Variants in PATL1 observed in about 807,000 individuals in gnomAD.
The protein encoded by PATL1 is protein PAT1 homolog 1.
A neutral mutation model predicts 100.6 loss-of-function variants in PATL1; 32 were observed. That is an observed-to-expected ratio of 0.32 (90% CI 0.24 to 0.43). The LOEUF (loss-of-function observed/expected upper bound fraction) is 0.43, where lower values mean the gene tolerates loss of function less well. Among genes scored for constraint, PATL1 ranks in the 20% least tolerant of loss-of-function variants. The pLI is 1.00. For missense variants in PATL1, 747 were observed against 949.9 expected (o/e 0.79, Z 2.81); for synonymous variants, 332 against 330.0 (o/e 1.01, Z -0.07).
intron 18 of PATL1, 122 bp downstream of exon 18, chr11:59,638,926 A>G (rs1590691978): frequency 2.7e-6 from 3 of 1,117,454 alleles, no homozygotes; most frequent in Non-Finnish European, 3.8e-6. Flanking sequence ...CAAGTGATCC[A>G]CCCTCCTGGG....
rs988395281 is a variant in PATL1 at position 59,639,450 on chromosome 11, G to C, written c.2050-67C>G. 2.4e-6 allele frequency: 3 copies of C among 1,230,232 alleles called. No individual in the cohort carries two copies. In the Admixed American group the frequency reaches 6.2e-5, roughly 25 times the overall value. 76.2% of individuals were successfully genotyped at this position (1,230,232 alleles called of 1,614,324 possible). ...TAAACCTCCTCCACCACTGTTGAAG[G>C]GATCCTGGCATCAGATGGGGAACAG... On this transcript the variant is annotated intron_variant, in intron 16 of 18. Coordinates refer to ENST00000300146, the MANE Select transcript of PATL1 (RefSeq NM_152716.3).
intron 18 of PATL1, 62 bp downstream of exon 18, chr11:59,638,986 C>A: frequency 6.4e-7 from 1 of 1,557,116 alleles, no homozygotes; most frequent in South Asian, 1.2e-5. Context: ...CCCAGCCTCC[C>A]AACCATAACT....
chr11:59,657,798 A>C, intron 4 of PATL1, 74 bp from the exon 5 acceptor site: 1 of 1,124,906 alleles, frequency 8.9e-7, no homozygotes. Context: ...ACAGATGCCA[A>C]AAATACCTTA....
intron 8 of PATL1, among the ~76,000 whole-genome samples, chr11:59,655,040 T>G (rs541739216): frequency 2.3e-4 from 35 of 152,346 alleles, no homozygotes; most frequent in African/African-American, 7.2e-4. Context: ...ACCTGTTTCT[T>G]GCCTGCTGGT....
At chr11:59,640,104 G>A (rs887703447) in intron 16 of PATL1, among the ~76,000 whole-genome samples, 4 of 152,158 alleles carry the variant, frequency 2.6e-5, no homozygotes, top group African/African-American at 9.6e-5. Flanking sequence ...CACTATGGGA[G>A]GCCAAGGTGG....
At chr11:59,638,506 A>G (rs774706628) in intron 18 of PATL1, 95 bp from the exon 19 acceptor site, 20 of 1,128,230 alleles carry the variant, frequency 1.8e-5, no homozygotes, top group Non-Finnish European at 2.4e-5. Flanking sequence ...AAGACTTCTC[A>G]TAACAAAATA....
chr11:59,643,503 G>A, intron 15 of PATL1, among the ~76,000 whole-genome samples: 1 of 151,720 alleles, frequency 6.6e-6, no homozygotes, highest in East Asian at 2.0e-4. Context: ...CAGGCCAGGA[G>A]TTCAAGACTA....
At position 59,656,052 on chromosome 11, in the gene PATL1, T is replaced by TAAAAAA. The variant is rs750390194; in HGVS notation, c.724-13_724-8dup. The TAAAAAA allele has an allele frequency of 1.8e-5, 14 of 766,988 alleles. 4 individuals carry two copies. The highest frequency in any genetic ancestry group is 5.4e-5 in the Admixed American group (1 of 18,452). The allele number at this position is 766,988 out of a possible 1,614,324, so 47.5% of individuals were successfully genotyped here. ...GACCCAGGAGGGAAGAGTTCTAAGGTAAAAAAAAAAAAAAAAAAAAGAATA... is the reference window on the plus strand; with the variant it reads ...GACCCAGGAGGGAAGAGTTCTAAGGTAAAAAAAAAAAAAAAAAAAAAAAAAAGAATA... On this transcript the variant is annotated splice_polypyrimidine_tract_variant and splice_region_variant and intron_variant, in intron 6 of 18. Transcript: ENST00000300146.
At chr11:59,648,609 A>G (rs1233966966) in intron 14 of PATL1, among the ~76,000 whole-genome samples, 1 of 152,048 alleles carries the variant, frequency 6.6e-6, no homozygotes, top group African/African-American at 2.4e-5. Flanking sequence ...TTTGTATTAT[A>G]TATTTTTTCT....
intron 11 of PATL1, among the ~76,000 whole-genome samples, chr11:59,652,208 G>A (rs963637827): frequency 5.3e-5 from 8 of 151,398 alleles, no homozygotes; most frequent in African/African-American, 1.9e-4. Context: ...TTATTTTAGG[G>A]GTACTGAAAA....
At chr11:59,668,749 G>T in intron 1 of PATL1, 132 bp downstream of exon 1, 1 of 490,982 alleles carries the variant, frequency 2.0e-6, no homozygotes. Flanking sequence ...GACCAGTCGC[G>T]TCCAGCTAAG....
chr11:59,637,738 C>T lies in PATL1; in HGVS notation c.*652G>A, dbSNP rs920160093. ...GATTTTATTAAACGTGCTGCATACT[C>T]TTTATTTATGTTAAAACAAGTAGAA... On this transcript the variant is annotated 3_prime_UTR_variant, in exon 19 of 19. Coordinates refer to ENST00000300146, the MANE Select transcript of PATL1 (RefSeq NM_152716.3). The T allele has an allele frequency of 6.6e-6, 1 of 152,378 alleles. No homozygotes were observed. Among genetic ancestry groups the T allele is most frequent in the African/African-American group, 2.4e-5 (1 of 41,452 alleles). 9.4% of individuals were successfully genotyped at this position (152,378 alleles called of 1,614,324 possible). A position where few individuals can be genotyped will look rare whatever the true frequency, so the allele number is the denominator to read the frequency against.
intron 2 of PATL1, among the ~76,000 whole-genome samples, chr11:59,662,850 T>C (rs186801954): frequency 1.7e-4 from 26 of 152,276 alleles, no homozygotes; most frequent in Admixed American, 1.7e-3. Flanking sequence ...GGATAATCTA[T>C]TTCCCCTTAA....
At chr11:59,639,483 T>C in intron 16 of PATL1, 100 bp from the exon 17 acceptor site, 1 of 874,754 alleles carries the variant, frequency 1.1e-6, no homozygotes, top group Non-Finnish European at 1.8e-6. Flanking sequence ...CAGCTCTAAA[T>C]CAAAATAACC....
At chr11:59,644,652 C>T (rs896401743) in intron 15 of PATL1, among the ~76,000 whole-genome samples, 2 of 152,112 alleles carry the variant, frequency 1.3e-5, no homozygotes, top group African/African-American at 4.8e-5. Flanking sequence ...CTCTGTTTCC[C>T]TCCTAAACAG....
In PATL1 at chr11:59,649,728, ATT is replaced by A. The variant is rs111578876; in HGVS notation, c.1585-120_1585-119del. On this transcript the variant is annotated intron_variant, in intron 13 of 18. Coordinates refer to ENST00000300146, the MANE Select transcript of PATL1 (RefSeq NM_152716.3). ...ACAAACTCATTATAGAAAGACTGAG[ATT>A]TTTTTTTTTTTAATGTAGAAAACCA... 1,972 of 867,968 alleles carry A rather than the reference ATT, an allele frequency of 2.3e-3. 1 individual carries two copies. Among genetic ancestry groups the A allele is most frequent in the African/African-American group, 8.2e-3 (460 of 56,202 alleles). 53.8% of individuals were successfully genotyped at this position (867,968 alleles called of 1,614,324 possible). A position where few individuals can be genotyped will look rare whatever the true frequency, so the allele number is the denominator to read the frequency against.
intron 15 of PATL1, among the ~76,000 whole-genome samples, chr11:59,643,544 A>G (rs1861316669): frequency 6.6e-6 from 1 of 151,890 alleles, no homozygotes; most frequent in Non-Finnish European, 1.5e-5. Context: ...CCTCATCTCT[A>G]CAACAAATAA....
rs374851182 is a variant in PATL1, at chr11:59,649,665, A to C, written c.1585-55T>G. The C allele has an allele frequency of 2.1e-5, 33 of 1,546,288 alleles. No individual in the cohort carries two copies. In the African/African-American group the frequency reaches 4.0e-4, roughly 19 times the overall value. On this transcript the variant is annotated intron_variant, in intron 13 of 18. Transcript: ENST00000300146. ...CATGCTAGGTCAGAACCACAGTATT[A>C]GTTAAACAATTTCACAGTTTAGGAC...
chr11:59,662,159 A>AGGAC (rs1200623064), intron 2 of PATL1, among the ~76,000 whole-genome samples: 13 of 152,232 alleles, frequency 8.5e-5, no homozygotes, highest in Non-Finnish European at 1.3e-4. Context: ...TTGGTATCAT[A>AGGAC]GGACCCACTG....
Sources: gnomAD v4.1 joint callset for allele counts (sites outside exome capture counted in the v4.1 genomes callset) on GRCh38, gnomAD v4.1.1 for gene constraint, MANE v1.5 for transcripts, NCBI Gene and HGNC (gene_info 2026-07-23, HGNC 2026-07-21) for gene names.